Variants in SLC4A7 observed in about 807,000 individuals in gnomAD.
The protein encoded by SLC4A7 is sodium bicarbonate cotransporter 3.
Under a neutral mutation model 137.6 loss-of-function variants are expected in SLC4A7, and 51 were observed. The ratio of observed to expected loss-of-function variants is 0.37; its 90% CI spans 0.30 to 0.47. The LOEUF (loss-of-function observed/expected upper bound fraction) is 0.47, where lower values mean the gene tolerates loss of function less well. Among genes scored for constraint, SLC4A7 ranks in the 20% least tolerant of loss-of-function variants. The pLI is 1.00. For missense variants in SLC4A7, 1,247 were observed against 1,525.4 expected (o/e 0.82, Z 3.04); for synonymous variants, 542 against 518.6 (o/e 1.05, Z -0.61).
At position 27,484,114 on chromosome 3, in the gene SLC4A7, C is replaced by CA; in HGVS notation, c.12dup (p.Gly5TrpfsTer19). 7.2e-7 allele frequency: 1 copy of CA among 1,392,210 alleles called. No individual in the cohort carries two copies. The highest frequency in any genetic ancestry group is 9.4e-7 in the Non-Finnish European group (1 of 1,068,002). 86.2% of individuals were successfully genotyped at this position (1,392,210 alleles called of 1,614,324 possible). On this transcript the variant is annotated frameshift_variant, in exon 1 of 26. Coordinates refer to ENST00000454389, the MANE Select transcript of SLC4A7 (RefSeq NM_001321103.2). LOFTEE classifies it high-confidence loss of function. The stretch of plus-strand genomic sequence containing the variant: ...AGCGGTCTCATCTGCTCGCCGGCCC[C>CA]ATCAGCCTCCATGGCCGGCCGGCCA...
chr3:27,453,870 G>T (rs2058243224), intron 1 of SLC4A7, among the ~76,000 whole-genome samples: 1 of 152,082 alleles, frequency 6.6e-6, no homozygotes, highest in African/African-American at 2.4e-5. Flanking sequence ...AATATATTTG[G>T]ATATCAGGAG....
chr3:27,389,857 A>G lies in SLC4A7; in HGVS notation c.3360+74T>C, dbSNP rs1159298923. On this transcript the variant is annotated intron_variant, in intron 22 of 25. Transcript: ENST00000454389. Reference sequence around the variant, plus strand: ...CGCATTATTCTTTTTCTCAAAATCAATTATAAATATTAATAAAAAATTACT... The same window carrying G: ...CGCATTATTCTTTTTCTCAAAATCAGTTATAAATATTAATAAAAAATTACT... The G allele has an allele frequency of 5.3e-6, 6 of 1,121,846 alleles. No homozygotes were observed. The African/African-American group carries it at 9.6e-5, about 18-fold the overall frequency. 69.5% of individuals were successfully genotyped at this position (1,121,846 alleles called of 1,614,324 possible). A position where few individuals can be genotyped will look rare whatever the true frequency, so the allele number is the denominator to read the frequency against.
chr3:27,436,043 T>G (rs1344108624), intron 5 of SLC4A7, among the ~76,000 whole-genome samples: 5 of 152,238 alleles, frequency 3.3e-5, no homozygotes, highest in African/African-American at 1.2e-4. Flanking sequence ...TATCACCTAC[T>G]CCTTGGTTCC....
Position 27,398,511 on chromosome 3 carries a change from C to T in SLC4A7, c.2428-158G>A, listed in dbSNP as rs190861931. On this transcript the variant is annotated intron_variant, in intron 16 of 25. Coordinates refer to ENST00000454389, the MANE Select transcript of SLC4A7 (RefSeq NM_001321103.2). Reference sequence around the variant, plus strand: ...AAACATTGTCCAGCCAACTATAACACACTAACAACTAATTGTAATACATAT... The same window carrying T: ...AAACATTGTCCAGCCAACTATAACATACTAACAACTAATTGTAATACATAT... Among the ~76,000 whole-genome samples, 267 of 152,308 alleles carry T rather than the reference C, an allele frequency of 1.8e-3. 2 individuals are homozygous for T. The highest frequency in any genetic ancestry group is 3.0e-3 in the Non-Finnish European group (204 of 68,018).
intron 23 of SLC4A7, 89 bp from the exon 24 acceptor site, chr3:27,383,339 C>T (rs1263297615): frequency 2.3e-6 from 2 of 879,352 alleles, no homozygotes; most frequent in East Asian, 5.1e-5. Flanking sequence ...GACTTAGAAA[C>T]CCAAACTGAC....
chr3:27,458,435 A>G (rs1295602581), intron 1 of SLC4A7, among the ~76,000 whole-genome samples: 1 of 152,200 alleles, frequency 6.6e-6, no homozygotes, highest in African/African-American at 2.4e-5. Flanking sequence ...GTAACAGGTG[A>G]TAGACATGTC....
rs561546016 is a variant in SLC4A7, at chr3:27,440,494, G to A, written c.290-2968C>T. ...TGTAATCCCAGCACTTTGGGAGGCC[G>A]AGGCAGGTGGATCACCTCAGGTCAG... On this transcript the variant is annotated intron_variant, in intron 3 of 25. Transcript: ENST00000454389. 4.6e-5 allele frequency among the ~76,000 whole-genome samples: 7 copies of A among 151,864 alleles called. 1 individual carries two copies. The highest frequency in any genetic ancestry group is 4.2e-4 in the South Asian group (2 of 4,782).
chr3:27,387,925 G>T (rs2051139188), intron 22 of SLC4A7, among the ~76,000 whole-genome samples: 1 of 152,120 alleles, frequency 6.6e-6, no homozygotes, highest in African/African-American at 2.4e-5. Flanking sequence ...TGTTACAGCA[G>T]CCCTTGGAAG....
At chr3:27,483,948 G>A (rs1453546165) in intron 1 of SLC4A7, 119 bp downstream of exon 1, 3 of 724,396 alleles carry the variant, frequency 4.1e-6, no homozygotes, top group African/African-American at 1.9e-5. Context: ...GGGAGGTGGA[G>A]GGGCGACGGG....
chr3:27,381,662 T>TAA (rs34829163), intron 24 of SLC4A7, among the ~76,000 whole-genome samples: 64 of 150,824 alleles, frequency 4.2e-4, no homozygotes, highest in Middle Eastern at 6.8e-3. Flanking sequence ...TATAAATAGC[T>TAA]AAAAAAAAAG....
intron 11 of SLC4A7, among the ~76,000 whole-genome samples, chr3:27,412,966 A>C (rs562478249): frequency 1.2e-4 from 19 of 152,302 alleles, no homozygotes; most frequent in Middle Eastern, 3.4e-3. Flanking sequence ...GAATGAAATA[A>C]AACAGCTAAC....
chr3:27,443,074 C>G (rs2057340506), intron 3 of SLC4A7, among the ~76,000 whole-genome samples: 1 of 145,842 alleles, frequency 6.9e-6, no homozygotes. Flanking sequence ...CTCTGTCGCC[C>G]AGGCTGGAGT....
In SLC4A7 at chr3:27,383,241, G is replaced by GT; in HGVS notation, c.3501dup (p.Arg1168ThrfsTer6). 6.2e-7 allele frequency: 1 copy of GT among 1,606,832 alleles called. No homozygotes were observed. The highest frequency in any genetic ancestry group is 8.5e-7 in the Non-Finnish European group (1 of 1,174,596). ...GTATCATCATCATCTTGAAGCATCC[G>GT]TTCAGCTTCCTTTATAACACATGTG... is the stretch of plus-strand genomic sequence containing the variant. On this transcript the variant is annotated frameshift_variant, in exon 24 of 26. Transcript: ENST00000454389. LOFTEE classifies it high-confidence loss of function.
intron 15 of SLC4A7, among the ~76,000 whole-genome samples, chr3:27,402,070 C>T (rs1055243461): frequency 6.6e-6 from 1 of 152,122 alleles, no homozygotes. Context: ...GAGGGAAGTA[C>T]ATGTATCTGG....
chr3:27,380,091 G>A (rs1030591773), intron 24 of SLC4A7, among the ~76,000 whole-genome samples: 11 of 152,090 alleles, frequency 7.2e-5, no homozygotes, highest in South Asian at 4.1e-4. Context: ...GGCGGATCAC[G>A]AGGTCAGGAG....
chr3:27,403,370 G>C lies in SLC4A7; in HGVS notation c.2090C>G (p.Ser697Cys). 1 of 1,586,704 alleles carries C rather than the reference G, an allele frequency of 6.3e-7. No individual in the cohort carries two copies. The highest frequency in any genetic ancestry group is 1.4e-5 in the African/African-American group (1 of 73,628). The stretch of plus-strand genomic sequence containing the variant: ...AATACTGGTTCTTAAAGACAGATAA[G>C]AAAGTTGATAATCTCTGTTTAGAAA... Reference protein sequence around the residue: ...LYKFCRDYQLSYLSLRTSIGL... With the variant: ...LYKFCRDYQLCYLSLRTSIGL... The change falls in exon 15 of 26, where the codon TCT (serine) becomes TGT (cysteine). Residue 697 changes from serine to cysteine, a missense_variant. Transcript: ENST00000454389.
At chr3:27,441,947 G>A (rs2057231140) in intron 3 of SLC4A7, among the ~76,000 whole-genome samples, 1 of 151,454 alleles carries the variant, frequency 6.6e-6, no homozygotes, top group African/African-American at 2.4e-5. Flanking sequence ...CCAGGCTGGA[G>A]TGCAGTGACA....
intron 25 of SLC4A7, among the ~76,000 whole-genome samples, chr3:27,378,528 T>C (rs993901568): frequency 2.0e-5 from 3 of 152,198 alleles, no homozygotes; most frequent in Non-Finnish European, 4.4e-5. Context: ...GAGGGCTTAG[T>C]TCTTGAAGTG....
chr3:27,470,518 T>A (rs1366522451), intron 1 of SLC4A7, among the ~76,000 whole-genome samples: 2 of 151,632 alleles, frequency 1.3e-5, no homozygotes, highest in African/African-American at 4.8e-5. Flanking sequence ...TATATTAATA[T>A]ATAGGTATGT....
Sources: allele counts gnomAD v4.1 joint callset (sites outside exome capture counted in the v4.1 genomes callset), GRCh38; gene constraint gnomAD v4.1.1; transcripts MANE v1.5; gene names NCBI Gene and HGNC (gene_info 2026-07-23, HGNC 2026-07-21).